The following ETV6 variants were observed in gnomAD, a reference collection of about 807,000 sequenced individuals.
ETV6 encodes the protein transcription factor ETV6.
A neutral mutation model predicts 51.1 loss-of-function variants in ETV6; 16 were observed. The ratio of observed to expected loss-of-function variants is 0.31; its 90% CI spans 0.21 to 0.48. ETV6 has a LOEUF of 0.48. Ranked by LOEUF, ETV6 falls within the 20% of genes least tolerant of loss-of-function variation. ETV6 has a pLI of 0.99. For synonymous variants in ETV6, 240 were observed against 224.1 expected, an observed-to-expected ratio of 1.07 and a Z score of -0.64; for missense variants, 458 against 594.8, an observed-to-expected ratio of 0.77 and a Z score of 2.39.
At chr12:11,658,300 A>G (rs1864039769) in intron 1 of ETV6, among the ~76,000 whole-genome samples, 1 of 152,124 alleles carries the variant, frequency 6.6e-6, no homozygotes, top group Non-Finnish European at 1.5e-5. Context: ...CAATGCCGAG[A>G]TCTCAGCTCA....
chr12:11,774,931 C>T (rs1945297592), intron 2 of ETV6, among the ~76,000 whole-genome samples: 1 of 152,198 alleles, frequency 6.6e-6, no homozygotes, highest in South Asian at 2.1e-4. Context: ...ACAAGGGGAT[C>T]AGACCTTCCT....
chr12:11,879,389 T>C (rs1476073913), intron 5 of ETV6, among the ~76,000 whole-genome samples: 1 of 152,242 alleles, frequency 6.6e-6, no homozygotes, highest in Non-Finnish European at 1.5e-5. Flanking sequence ...ATCAGTTTTG[T>C]CTAGCGTGGT....
intron 4 of ETV6, among the ~76,000 whole-genome samples, chr12:11,859,172 T>C (rs10845413): frequency 0.91 from 101,096 of 111,596 alleles, 46,110 homozygotes; most frequent in East Asian, 1. Flanking sequence ...GAAGGAGTCT[T>C]GCTCTGTCGC....
intron 1 of ETV6, among the ~76,000 whole-genome samples, chr12:11,671,126 GGC>G (rs1864305474): frequency 1.3e-5 from 2 of 152,068 alleles, no homozygotes; most frequent in East Asian, 1.9e-4. Flanking sequence ...GGGTAAGGTT[GGC>G]AGGGCGGGGA....
At chr12:11,764,100 A>G (rs1344939388) in intron 2 of ETV6, among the ~76,000 whole-genome samples, 1 of 152,218 alleles carries the variant, frequency 6.6e-6, no homozygotes, top group African/African-American at 2.4e-5. Flanking sequence ...TTAAAAGTAA[A>G]TCATTATGGC....
chr12:11,765,231 G>A (rs1267758503), intron 2 of ETV6, among the ~76,000 whole-genome samples: 3 of 152,100 alleles, frequency 2.0e-5, no homozygotes, highest in Non-Finnish European at 2.9e-5. Flanking sequence ...TCTGTCTCCT[G>A]GTAAATACTG....
chr12:11,751,878 G>T, intron 1 of ETV6: 1 of 507,332 alleles, frequency 2.0e-6, no homozygotes, highest in South Asian at 1.4e-5. Context: ...TTTTGGTTGT[G>T]GTGGTTGTAT....
chr12:11,852,891 T>C (rs1005952458), intron 3 of ETV6, among the ~76,000 whole-genome samples: 1 of 152,200 alleles, frequency 6.6e-6, no homozygotes, highest in East Asian at 1.9e-4. Flanking sequence ...TCTGCCTTTT[T>C]AAAACATTTT....
At position 11,895,229 on chromosome 12, in the gene ETV6, T is replaced by C. The variant is rs1175781397; in HGVS notation, c.*4183T>C. The C allele has an allele frequency of 1.3e-5, 3 of 232,564 alleles. No individual in the cohort carries two copies. Among genetic ancestry groups the C allele is most frequent in the African/African-American group, 6.7e-5 (3 of 45,090 alleles). The allele number at this position is 232,564 out of a possible 1,614,324, so 14.4% of individuals were successfully genotyped here. On this transcript the variant is annotated 3_prime_UTR_variant, in exon 8 of 8. Coordinates refer to ENST00000396373, the MANE Select transcript of ETV6 (RefSeq NM_001987.5). ...GCCCCCCTTTTTGTTTAGTTTCTAA[T>C]CTCTTGTTTATGAGGTGTGGGGTTT...
intron 1 of ETV6, among the ~76,000 whole-genome samples, chr12:11,750,618 A>T (rs1866003544): frequency 6.6e-6 from 1 of 152,182 alleles, no homozygotes; most frequent in South Asian, 2.1e-4. Context: ...TATTTCCGAG[A>T]ATAAAGTTAA....
intron 1 of ETV6, among the ~76,000 whole-genome samples, chr12:11,703,540 CAT>C (rs1309573186): frequency 2.0e-5 from 3 of 152,026 alleles, no homozygotes. Context: ...GTTTATAACA[CAT>C]ACTCTGCCCT....
At chr12:11,687,481 A>AC (rs1465535153) in intron 1 of ETV6, among the ~76,000 whole-genome samples, 77 of 151,114 alleles carry the variant, frequency 5.1e-4, no homozygotes, top group African/African-American at 9.9e-4. Context: ...ACCCAGCGCC[A>AC]CACCCCCTTT....
intron 1 of ETV6, among the ~76,000 whole-genome samples, chr12:11,659,023 C>T (rs1196625868): frequency 6.6e-6 from 1 of 152,180 alleles, no homozygotes; most frequent in African/African-American, 2.4e-5. Flanking sequence ...CTCCAGTCTG[C>T]TTTTGTTTAA....
chr12:11,833,060 A>G (rs1008196447), intron 2 of ETV6, among the ~76,000 whole-genome samples: 1 of 152,244 alleles, frequency 6.6e-6, no homozygotes, highest in East Asian at 1.9e-4. Context: ...AAATAATAAG[A>G]TAAAATGTAA....
chr12:11,766,779 CAG>C (rs1447027923), intron 2 of ETV6, among the ~76,000 whole-genome samples: 4 of 152,156 alleles, frequency 2.6e-5, no homozygotes, highest in Admixed American at 2.0e-4. Flanking sequence ...GGCGGGCAGT[CAG>C]GGGAGAATGC....
intron 1 of ETV6, among the ~76,000 whole-genome samples, chr12:11,679,415 A>C (rs768943455): frequency 6.6e-6 from 1 of 152,354 alleles, no homozygotes; most frequent in East Asian, 1.9e-4. Context: ...AAATGAATCA[A>C]TGGTTGCACT....
chr12:11,756,836 G>C (rs894187346), intron 2 of ETV6, among the ~76,000 whole-genome samples: 1 of 152,218 alleles, frequency 6.6e-6, no homozygotes, highest in Non-Finnish European at 1.5e-5. Context: ...CTCAGGCCCC[G>C]CCTTAGGATA....
chr12:11,782,913 T>C (rs2136371889), intron 2 of ETV6, among the ~76,000 whole-genome samples: 1 of 152,288 alleles, frequency 6.6e-6, no homozygotes, highest in Middle Eastern at 3.4e-3. Context: ...AAAAGATGAC[T>C]AGGGTATGCC....
At chr12:11,749,694 G>C (rs1865985316) in intron 1 of ETV6, among the ~76,000 whole-genome samples, 5 of 152,160 alleles carry the variant, frequency 3.3e-5, no homozygotes, top group Admixed American at 1.3e-4. Flanking sequence ...CAAAAAGAGA[G>C]ACAAAAGGAG....
Sources: allele counts gnomAD v4.1 joint callset (sites outside exome capture counted in the v4.1 genomes callset), GRCh38; gene constraint gnomAD v4.1.1; transcripts MANE v1.5; gene names NCBI Gene and HGNC (gene_info 2026-07-23, HGNC 2026-07-21).